CCDC7: variants seen among roughly 807,000 people sequenced by gnomAD.
CCDC7 encodes coiled-coil domain-containing protein 7.
In CCDC7, 183 loss-of-function variants were observed where a neutral mutation model predicts 196.9. That is an observed-to-expected ratio of 0.93 (90% CI 0.82 to 1.05). CCDC7 has a LOEUF of 1.05. Among genes scored for constraint, CCDC7 ranks in the 50% least tolerant of loss-of-function variants. CCDC7 has a pLI of 0.00. For missense variants in CCDC7, 1,540 were observed against 1,482.2 expected (o/e 1.04, Z -0.64); for synonymous variants, 525 against 484.6 (o/e 1.08, Z -1.10).
intron 21 of CCDC7, among the ~76,000 whole-genome samples, chr10:32,675,213 A>C (rs1205096888): frequency 6.6e-6 from 1 of 151,974 alleles, no homozygotes; most frequent in Non-Finnish European, 1.5e-5. Context: ...ATTACTTTTT[A>C]TAATGATATA....
intron 20 of CCDC7, among the ~76,000 whole-genome samples, chr10:32,651,675 T>C (rs552449715): frequency 1.3e-5 from 2 of 152,002 alleles, no homozygotes; most frequent in East Asian, 1.9e-4. Flanking sequence ...GGAGGAAAAG[T>C]TTATTGCAGG....
intron 24 of CCDC7, among the ~76,000 whole-genome samples, chr10:32,710,886 T>C (rs114159414): frequency 7.0e-4 from 107 of 152,328 alleles, no homozygotes; most frequent in African/African-American, 2.4e-3. Flanking sequence ...TTTATTCACT[T>C]ACTGCAACAA....
chr10:32,601,415 A>G lies in CCDC7; in HGVS notation c.1801+17111A>G, dbSNP rs116149063. ...ATTCAGCTTTCTTTTGGTTTGCTGT[A>G]AACTTTTGACTGTTCTGCAGACTTC... On this transcript the variant is annotated intron_variant, in intron 18 of 41. Transcript: ENST00000639629. Among the ~76,000 whole-genome samples, 1,258 of 152,294 alleles carry G rather than the reference A, an allele frequency of 8.3e-3. 26 individuals carry two copies. Among genetic ancestry groups the G allele is most frequent in the African/African-American group, 0.028 (1,160 of 41,550 alleles).
chr10:32,533,546 A>G (rs543508927), intron 11 of CCDC7, among the ~76,000 whole-genome samples: 109 of 151,992 alleles, frequency 7.2e-4, no homozygotes, highest in African/African-American at 2.5e-3. Context: ...ATTTTTTTTC[A>G]GATTGAAGAA....
At chr10:32,670,262 T>C (rs1432553729) in intron 21 of CCDC7, among the ~76,000 whole-genome samples, 2 of 152,150 alleles carry the variant, frequency 1.3e-5, no homozygotes, top group African/African-American at 4.8e-5. Context: ...AATCCAAACA[T>C]TACCGAACTC....
intron 20 of CCDC7, among the ~76,000 whole-genome samples, chr10:32,644,926 A>G (rs879742048): frequency 1.3e-5 from 2 of 152,218 alleles, no homozygotes; most frequent in Non-Finnish European, 2.9e-5. Context: ...TTCATTGCAG[A>G]ACCATGAGCC....
chr10:32,606,932 C>G (rs2061611780), intron 18 of CCDC7, among the ~76,000 whole-genome samples: 3 of 152,016 alleles, frequency 2.0e-5, no homozygotes, highest in Non-Finnish European at 2.9e-5. Flanking sequence ...ATTTTGGGAG[C>G]CAGATGCAGA....
intron 28 of CCDC7, among the ~76,000 whole-genome samples, chr10:32,771,244 T>C (rs1320168417): frequency 6.6e-6 from 1 of 152,200 alleles, no homozygotes; most frequent in Non-Finnish European, 1.5e-5. Flanking sequence ...TCCTTTAATA[T>C]TTCTTATAGG....
At chr10:32,736,679 G>A (rs1438463388) in intron 28 of CCDC7, among the ~76,000 whole-genome samples, 13 of 151,956 alleles carry the variant, frequency 8.6e-5, no homozygotes, top group Non-Finnish European at 1.5e-5. Flanking sequence ...TGGTGATAAT[G>A]TGAATAGTAT....
intron 41 of CCDC7, among the ~76,000 whole-genome samples, chr10:32,870,255 G>A (rs2094379126): frequency 1.3e-5 from 2 of 152,018 alleles, no homozygotes; most frequent in African/African-American, 2.4e-5. Flanking sequence ...CCATTTGTTT[G>A]TGTCCTCTTT....
intron 41 of CCDC7, among the ~76,000 whole-genome samples, chr10:32,866,988 G>A (rs1256067952): frequency 6.6e-6 from 1 of 151,548 alleles, no homozygotes; most frequent in South Asian, 2.1e-4. Context: ...GTAACCATGA[G>A]AAAACTTCAG....
intron 20 of CCDC7, among the ~76,000 whole-genome samples, chr10:32,645,115 C>A (rs758525621): frequency 3.3e-5 from 5 of 152,134 alleles, no homozygotes; most frequent in Admixed American, 3.3e-4. Flanking sequence ...CATCACTAAT[C>A]ATCAGAGAAA....
At chr10:32,638,434 G>T (rs1452539728) in intron 20 of CCDC7, among the ~76,000 whole-genome samples, 1 of 152,124 alleles carries the variant, frequency 6.6e-6, no homozygotes, top group Admixed American at 6.5e-5. Flanking sequence ...AGAGTTTTTA[G>T]CATGAAGGTT....
intron 22 of CCDC7, among the ~76,000 whole-genome samples, chr10:32,686,892 C>T (rs942737851): frequency 7.9e-5 from 12 of 152,098 alleles, no homozygotes; most frequent in African/African-American, 2.2e-4. Context: ...TCATCAACGT[C>T]GTAGAAGGTT....
intron 9 of CCDC7, chr10:32,499,304 T>C (rs1387840568): frequency 6.6e-6 from 1 of 152,190 alleles, no homozygotes; most frequent in Non-Finnish European, 1.5e-5. Flanking sequence ...AGTTTTTCCC[T>C]GTCTCTGATG....
chr10:32,652,177 A>G (rs939541665), intron 20 of CCDC7, among the ~76,000 whole-genome samples: 1 of 152,132 alleles, frequency 6.6e-6, no homozygotes, highest in African/African-American at 2.4e-5. Context: ...CTTGATTTAT[A>G]TTTTTAAAAT....
intron 18 of CCDC7, among the ~76,000 whole-genome samples, chr10:32,589,834 C>G (rs1316425012): frequency 2.0e-5 from 3 of 152,000 alleles, no homozygotes; most frequent in African/African-American, 7.2e-5. Context: ...TAGTTTTTAT[C>G]TTGAAATGTA....
chr10:32,766,791 A>G lies in CCDC7; in HGVS notation c.2906-12186A>G, dbSNP rs2078372134. On this transcript the variant is annotated intron_variant, in intron 28 of 41. Coordinates refer to ENST00000639629, the Ensembl canonical transcript of CCDC7. Reference sequence around the variant, plus strand: ...AGGCAGGCCCTGAAAGCACAAGTAAAATATATGATGTGGCCAAATACCTAT... The same window carrying G: ...AGGCAGGCCCTGAAAGCACAAGTAAGATATATGATGTGGCCAAATACCTAT... Among the ~76,000 whole-genome samples, 3 of 151,982 alleles carry G rather than the reference A, an allele frequency of 2.0e-5. No individual in the cohort carries two copies. The South Asian group carries it at 6.2e-4, about 31-fold the overall frequency.
intron 33 of CCDC7, among the ~76,000 whole-genome samples, chr10:32,838,110 G>A (rs183625226): frequency 2.6e-5 from 4 of 151,854 alleles, no homozygotes; most frequent in African/African-American, 7.2e-5. Context: ...AAATAAATAG[G>A]TTCAGAGAAT....
Sources: gnomAD v4.1 joint callset for allele counts (sites outside exome capture counted in the v4.1 genomes callset) on GRCh38, gnomAD v4.1.1 for gene constraint, MANE v1.5 for transcripts, NCBI Gene and HGNC (gene_info 2026-07-23, HGNC 2026-07-21) for gene names.